The following CTNNA2 variants were observed in gnomAD, a reference collection of about 807,000 sequenced individuals.
CTNNA2 encodes the protein catenin alpha-2.
In CTNNA2, 42 loss-of-function variants were observed where a neutral mutation model predicts 101.0. The ratio of observed to expected loss-of-function variants is 0.42; its 90% CI spans 0.32 to 0.54. The LOEUF is 0.54. Among genes scored for constraint, CTNNA2 ranks in the 20% least tolerant of loss-of-function variants. The pLI, the probability that CTNNA2 is intolerant of heterozygous loss-of-function variation, is 0.14. For synonymous variants in CTNNA2, 450 were observed against 456.4 expected, an observed-to-expected ratio of 0.99 and a Z score of 0.18; for missense variants, 871 against 1,223.1, an observed-to-expected ratio of 0.71 and a Z score of 4.29.
chr2:79,989,968 C>G (rs1220946342), intron 7 of CTNNA2, among the ~76,000 whole-genome samples: 1 of 152,156 alleles, frequency 6.6e-6, no homozygotes, highest in East Asian at 1.9e-4. Flanking sequence ...ATTCATACCC[C>G]TAGCAGCTGA....
At chr2:79,951,000 A>G (rs956579391) in intron 7 of CTNNA2, among the ~76,000 whole-genome samples, 3 of 152,202 alleles carry the variant, frequency 2.0e-5, no homozygotes, top group Admixed American at 6.5e-5. Flanking sequence ...GCCAAAATAT[A>G]CTATATAATT....
chr2:80,514,542 T>C (rs1688957086), intron 9 of CTNNA2, among the ~76,000 whole-genome samples: 1 of 152,096 alleles, frequency 6.6e-6, no homozygotes, highest in African/African-American at 2.4e-5. Context: ...TGAGGTCACA[T>C]GGACCCTTGA....
At chr2:80,225,314 A>T (rs1476320131) in intron 7 of CTNNA2, among the ~76,000 whole-genome samples, 1 of 152,190 alleles carries the variant, frequency 6.6e-6, no homozygotes, top group Non-Finnish European at 1.5e-5. Context: ...CTAAACTGCA[A>T]ACACAGGTCA....
At chr2:79,681,419 T>C (rs1558832976) in intron 2 of CTNNA2, among the ~76,000 whole-genome samples, 2 of 152,196 alleles carry the variant, frequency 1.3e-5, no homozygotes, top group East Asian at 1.9e-4. Flanking sequence ...TCTACCTCCA[T>C]GCCCTAGACT....
chr2:80,323,422 T>C (rs551916166), intron 7 of CTNNA2, among the ~76,000 whole-genome samples: 3 of 152,238 alleles, frequency 2.0e-5, no homozygotes, highest in East Asian at 3.9e-4. Flanking sequence ...GCTTGCCTGC[T>C]GTCTCACAAA....
At chr2:79,310,780 G>C (rs750895807) in intron 2 of CTNNA2, among the ~76,000 whole-genome samples, 8 of 152,318 alleles carry the variant, frequency 5.3e-5, no homozygotes, top group East Asian at 1.9e-4. Flanking sequence ...ATTCTATAAT[G>C]AGTAAGACTT....
chr2:80,143,232 G>C (rs1703120219), intron 7 of CTNNA2, among the ~76,000 whole-genome samples: 1 of 152,142 alleles, frequency 6.6e-6, no homozygotes, highest in African/African-American at 2.4e-5. Flanking sequence ...CTGATATTTA[G>C]TCACAAGCAA....
chr2:79,994,511 C>A (rs1692405123), intron 7 of CTNNA2, among the ~76,000 whole-genome samples: 1 of 152,038 alleles, frequency 6.6e-6, no homozygotes, highest in African/African-American at 2.4e-5. Context: ...AGCTCACCTT[C>A]CAGACAGTCA....
intron 4 of CTNNA2, among the ~76,000 whole-genome samples, chr2:79,401,500 G>C (rs1350226480): frequency 4.6e-5 from 7 of 151,556 alleles, no homozygotes; most frequent in Admixed American, 4.6e-4. Context: ...GCAAATATTT[G>C]TATACTATTT....
intron 4 of CTNNA2, among the ~76,000 whole-genome samples, chr2:79,444,411 G>A (rs1457641158): frequency 6.6e-6 from 1 of 152,074 alleles, no homozygotes; most frequent in African/African-American, 2.4e-5. Flanking sequence ...TCCAATTCAA[G>A]GAATCAAGTA....
intron 7 of CTNNA2, among the ~76,000 whole-genome samples, chr2:80,098,083 T>C (rs540449177): frequency 4.7e-4 from 72 of 152,340 alleles, no homozygotes; most frequent in Middle Eastern, 6.8e-3. Context: ...AGAGGCACTC[T>C]GATTTTTAGA....
rs544910458 is a variant in CTNNA2, at chr2:80,633,530, G to C, written c.2575-14055G>C. On this transcript the variant is annotated intron_variant, in intron 18 of 18. Transcript: ENST00000402739. Reference sequence around the variant, plus strand: ...ACAGTTAAAACACATCATAAGGCATGTTTCCCTCCACATAAATGGCATCAA... The same window carrying C: ...ACAGTTAAAACACATCATAAGGCATCTTTCCCTCCACATAAATGGCATCAA... 1.4e-3 allele frequency among the ~76,000 whole-genome samples: 220 copies of C among 152,246 alleles called. 1 individual carries two copies. The highest frequency in any genetic ancestry group is 4.7e-3 in the African/African-American group (197 of 41,552).
intron 7 of CTNNA2, among the ~76,000 whole-genome samples, chr2:80,052,492 A>G (rs1481921948): frequency 2.0e-5 from 3 of 152,260 alleles, no homozygotes; most frequent in Non-Finnish European, 4.4e-5. Context: ...CTGCTGATTT[A>G]TCAATTTAGT....
intron 7 of CTNNA2, among the ~76,000 whole-genome samples, chr2:79,969,003 TTTAA>T (rs566584886): frequency 5.3e-5 from 8 of 152,184 alleles, no homozygotes; most frequent in Non-Finnish European, 1.0e-4. Flanking sequence ...ATTATCCTTA[TTTAA>T]TTGGTGGTGA....
intron 7 of CTNNA2, among the ~76,000 whole-genome samples, chr2:80,358,914 T>C (rs1443683800): frequency 6.6e-6 from 1 of 152,154 alleles, no homozygotes; most frequent in Non-Finnish European, 1.5e-5. Context: ...TTATAACATT[T>C]TCAAATATTA....
chr2:79,560,755 T>G (rs369975985), intron 1 of CTNNA2, among the ~76,000 whole-genome samples: 1 of 151,908 alleles, frequency 6.6e-6, no homozygotes, highest in African/African-American at 2.4e-5. Context: ...GAAGCTGAGT[T>G]GTGAATATAT....
intron 9 of CTNNA2, among the ~76,000 whole-genome samples, chr2:80,496,378 T>C (rs1013845061): frequency 4.7e-5 from 7 of 150,108 alleles, no homozygotes; most frequent in African/African-American, 1.7e-4. Flanking sequence ...TAATTAAGTA[T>C]TAGTCTTCTT....
At chr2:80,025,797 G>A (rs1248008550) in intron 7 of CTNNA2, among the ~76,000 whole-genome samples, 4 of 152,222 alleles carry the variant, frequency 2.6e-5, no homozygotes, top group African/African-American at 9.7e-5. Context: ...TCACAAAGCA[G>A]CACGTACTTG....
At chr2:79,334,889 T>A (rs1676959776) in intron 3 of CTNNA2, among the ~76,000 whole-genome samples, 4 of 152,142 alleles carry the variant, frequency 2.6e-5, no homozygotes, top group Admixed American at 2.6e-4. Context: ...GTTGGTTGAT[T>A]AAATAAAACT....
Sources: gnomAD v4.1 joint callset for allele counts (sites outside exome capture counted in the v4.1 genomes callset) on GRCh38, gnomAD v4.1.1 for gene constraint, MANE v1.5 for transcripts, NCBI Gene and HGNC (gene_info 2026-07-23, HGNC 2026-07-21) for gene names.